The following SCRG1 variants were observed in gnomAD, a reference collection of about 807,000 sequenced individuals.
The protein encoded by SCRG1 is scrapie-responsive protein 1.
In SCRG1, 3 loss-of-function variants were observed where a neutral mutation model predicts 7.7. The observed-to-expected ratio is 0.39, with a 90% CI of 0.18 to 1.01. SCRG1 has a LOEUF of 1.01. SCRG1 is among the 50% of genes least tolerant of loss of function. SCRG1 has a pLI of 0.36. For synonymous variants in SCRG1, 46 were observed against 41.2 expected, an observed-to-expected ratio of 1.12 and a Z score of -0.44; for missense variants, 110 against 117.2, an observed-to-expected ratio of 0.94 and a Z score of 0.28.
At chr4:173,498,800 A>G in the SCRG1 span, among the ~76,000 whole-genome samples, 1 of 152,232 alleles carries the variant, frequency 6.6e-6, no homozygotes, top group Non-Finnish European at 1.5e-5. Context: ...AGATAGAGAC[A>G]GAAATAAATA....
the SCRG1 span, among the ~76,000 whole-genome samples, chr4:173,452,495 C>A: frequency 2.5e-4 from 38 of 152,246 alleles, no homozygotes; most frequent in Admixed American, 2.5e-3. Flanking sequence ...TAGCTAGCCG[C>A]AATGTTCTCA....
At chr4:173,478,372 AAAAAAACAAAAAAC>A in the SCRG1 span, among the ~76,000 whole-genome samples, 7,195 of 152,124 alleles carry the variant, frequency 0.047, 584 homozygotes, top group African/African-American at 0.16. Context: ...TTGATGGAAG[AAAAAAACAAAAAAC>A]AAAAAACAAA....
the SCRG1 span, among the ~76,000 whole-genome samples, chr4:173,505,722 A>G: frequency 2.6e-5 from 4 of 152,230 alleles, no homozygotes; most frequent in Non-Finnish European, 1.5e-5. The surrounding 1 kb of genome is among the most constrained non-coding windows in gnomAD (Gnocchi z 4.4). Flanking sequence ...AGTGTAAGCA[A>G]GCAGTCATCA....
Position 173,385,451 on chromosome 4 carries a change from C to T in SCRG1, c.*2890G>A, listed in dbSNP as rs1207097880. On this transcript the variant is annotated 3_prime_UTR_variant, in exon 3 of 3. Coordinates refer to ENST00000296506, the MANE Select transcript of SCRG1 (RefSeq NM_007281.4). ...TGCCACTGTACTCTGGCCTGGGTGACAGAGTGAGACTCAGTTTCAAAAAAA... is the reference window on the plus strand; with the variant it reads ...TGCCACTGTACTCTGGCCTGGGTGATAGAGTGAGACTCAGTTTCAAAAAAA... 1 of 147,830 alleles carries T rather than the reference C, an allele frequency of 6.8e-6. No individual in the cohort carries two copies. The highest frequency in any genetic ancestry group is 2.5e-5 in the African/African-American group (1 of 39,908). The allele number at this position is 147,830 out of a possible 1,614,324, so 9.2% of individuals were successfully genotyped here.
the SCRG1 span, among the ~76,000 whole-genome samples, chr4:173,422,011 C>T: frequency 6.6e-6 from 1 of 152,172 alleles, no homozygotes; most frequent in East Asian, 1.9e-4. Flanking sequence ...TGTGCATGAA[C>T]AAATTAGAGG....
At chr4:173,388,469 T>C (rs1175075998) in intron 2 of SCRG1, 74 bp from the exon 3 acceptor site, 15 of 989,578 alleles carry the variant, frequency 1.5e-5, no homozygotes, top group Non-Finnish European at 2.3e-5. Context: ...AGGTTAAAAA[T>C]AGACAGTGAT....
the SCRG1 span, among the ~76,000 whole-genome samples, chr4:173,499,807 G>T: frequency 1.3e-5 from 2 of 152,312 alleles, no homozygotes; most frequent in Middle Eastern, 3.4e-3. The surrounding 1 kb of genome is among the most constrained non-coding windows in gnomAD (Gnocchi z 4.1). Flanking sequence ...AAAAAAAAGT[G>T]GGGGGCAGGG....
At chr4:173,476,905 T>G in the SCRG1 span, among the ~76,000 whole-genome samples, 1 of 152,194 alleles carries the variant, frequency 6.6e-6, no homozygotes, top group African/African-American at 2.4e-5. Flanking sequence ...GCTTGGAGCC[T>G]TCATAGTAAC....
In SCRG1 at chr4:173,388,179, T is replaced by C. The variant is rs2126911676; in HGVS notation, c.*162A>G. 2.1e-6 allele frequency: 1 copy of C among 483,966 alleles called. No homozygotes were observed. The highest frequency in any genetic ancestry group is 3.4e-5 in the East Asian group (1 of 29,454). The allele number at this position is 483,966 out of a possible 1,614,324, so 30.0% of individuals were successfully genotyped here. Reference sequence around the variant, plus strand: ...GAGAAAAATTAGATTGAATTAACTTTTATTACTACTTGTTTAACACAGATT... The same window carrying C: ...GAGAAAAATTAGATTGAATTAACTTCTATTACTACTTGTTTAACACAGATT... On this transcript the variant is annotated 3_prime_UTR_variant, in exon 3 of 3. Transcript: ENST00000296506.
chr4:173,483,249 C>CATATATGATATATA, the SCRG1 span, among the ~76,000 whole-genome samples: 99 of 52,228 alleles, frequency 1.9e-3, 1 homozygote, highest in African/African-American at 9.3e-3. Context: ...TATGATATAT[C>CATATATGATATATA]ATATATGATA....
chr4:173,510,036 G>A, the SCRG1 span, among the ~76,000 whole-genome samples: 1 of 152,176 alleles, frequency 6.6e-6, no homozygotes, highest in Non-Finnish European at 1.5e-5. This position sits in a 1 kb window ranked among gnomAD's most constrained non-coding sequence, Gnocchi z 5.7. Context: ...GCAGCAGAGG[G>A]AGAATTACAA....
At chr4:173,518,606 G>T in the SCRG1 span, among the ~76,000 whole-genome samples, 1 of 152,136 alleles carries the variant, frequency 6.6e-6, no homozygotes, top group Admixed American at 6.5e-5. Flanking sequence ...CTGGACTTCC[G>T]CAGTCCCCCT....
At chr4:173,420,712 A>AG in the SCRG1 span, among the ~76,000 whole-genome samples, 1 of 152,118 alleles carries the variant, frequency 6.6e-6, no homozygotes, top group South Asian at 2.1e-4. Context: ...GCTGAAAAAA[A>AG]AAAAAAGAAA....
At chr4:173,452,834 A>G in the SCRG1 span, among the ~76,000 whole-genome samples, 1 of 152,366 alleles carries the variant, frequency 6.6e-6, no homozygotes, top group Admixed American at 6.5e-5. Context: ...TACTTAGAAT[A>G]TATAGGGAAA....
rs1293872610 is a variant in SCRG1 at position 173,387,823 on chromosome 4, T to A, written c.*518A>T. The A allele has an allele frequency of 6.7e-6, 1 of 150,092 alleles. No individual in the cohort carries two copies. The highest frequency in any genetic ancestry group is 2.5e-5 in the African/African-American group (1 of 40,682). The allele number at this position is 150,092 out of a possible 1,614,324, so 9.3% of individuals were successfully genotyped here. ...GAAATTCTAGATTCAAATGACCCTC[T>A]TGAGTAACTAGAACTACAGATGTGG... is the stretch of plus-strand genomic sequence containing the variant. On this transcript the variant is annotated 3_prime_UTR_variant, in exon 3 of 3. Transcript: ENST00000296506.
chr4:173,419,940 C>T, the SCRG1 span: 7 of 745,612 alleles, frequency 9.4e-6, no homozygotes, highest in Non-Finnish European at 1.7e-5. Flanking sequence ...ACTATCATAG[C>T]CCCCTCTATA....
chr4:173,432,390 T>C, the SCRG1 span, among the ~76,000 whole-genome samples: 1 of 142,562 alleles, frequency 7.0e-6, no homozygotes, highest in Non-Finnish European at 1.5e-5. Flanking sequence ...TTCCTCTTCC[T>C]CCCCTTACTC....
chr4:173,389,536 AAAACAAAC>A (rs57097016), intron 2 of SCRG1: 4,507 of 185,656 alleles, frequency 0.024, 204 homozygotes, highest in African/African-American at 0.095. Flanking sequence ...ATTCCGTCTC[AAAACAAAC>A]AAACAAACAA....
At chr4:173,451,647 T>TTTAG in the SCRG1 span, among the ~76,000 whole-genome samples, 1 of 102,034 alleles carries the variant, frequency 9.8e-6, no homozygotes, top group African/African-American at 4.4e-5. Flanking sequence ...TATTTATTTA[T>TTTAG]TTATTTATTT....
Sources: gnomAD v4.1 joint callset for allele counts (sites outside exome capture counted in the v4.1 genomes callset) on GRCh38, gnomAD v4.1.1 for gene constraint, Gnocchi (gnomAD v3.1) non-coding constraint, MANE v1.5 for transcripts, NCBI Gene and HGNC (gene_info 2026-07-23, HGNC 2026-07-21) for gene names.